Variants in SLC2A7 observed in about 807,000 individuals in gnomAD.
The protein encoded by SLC2A7 is solute carrier family 2, facilitated glucose transporter member 7.
A neutral mutation model predicts 50.5 loss-of-function variants in SLC2A7; 50 were observed. The ratio of observed to expected loss-of-function variants is 0.99; its 90% CI spans 0.79 to 1.25. SLC2A7 has a LOEUF of 1.25. Ranked by LOEUF, SLC2A7 falls within the 50% of genes most tolerant of loss-of-function variation. The pLI is 0.00. For missense variants in SLC2A7, 683 were observed against 679.1 expected (o/e 1.01, Z -0.06); for synonymous variants, 308 against 300.4 (o/e 1.03, Z -0.26).
intron 3 of SLC2A7, 86 bp downstream of exon 3, chr1:9,022,832 G>T: frequency 6.5e-7 from 1 of 1,530,618 alleles, no homozygotes; most frequent in Non-Finnish European, 8.9e-7. Context: ...AGGGTCACAC[G>T]TCTCCCCACC....
Position 9,008,170 on chromosome 1 carries a change from G to A in SLC2A7, c.1117-785C>T, listed in dbSNP as rs1339190327. Among the ~76,000 whole-genome samples, 3 of 152,020 alleles carry A rather than the reference G, an allele frequency of 2.0e-5. No homozygotes were observed. The highest frequency in any genetic ancestry group is 4.8e-5 in the African/African-American group (2 of 41,376). On this transcript the variant is annotated intron_variant, in intron 9 of 11. Transcript: ENST00000400906. The surrounding 1 kb of genome is among the most constrained non-coding windows in gnomAD (Gnocchi z 5.9). ...TCAACGGACTTCAGCCAAACTAACC[G>A]GGTGCCCCCAGATGAACTTCCCAGG...
downstream of SLC2A7, among the ~76,000 whole-genome samples, chr1:8,999,272 T>C (rs973981987): frequency 6.6e-6 from 1 of 152,170 alleles, no homozygotes; most frequent in Non-Finnish European, 1.5e-5. Flanking sequence ...GCTGTGATTA[T>C]AGGCATGAGC....
At chr1:9,021,750 C>T (rs763770775) in intron 3 of SLC2A7, among the ~76,000 whole-genome samples, 4 of 152,218 alleles carry the variant, frequency 2.6e-5, no homozygotes, top group Non-Finnish European at 5.9e-5. Flanking sequence ...TCCCACCCTT[C>T]TCTGGACTCC....
the SLC2A7 span, among the ~76,000 whole-genome samples, chr1:8,995,140 C>T: frequency 4.5e-3 from 687 of 151,016 alleles, 8 homozygotes; most frequent in African/African-American, 0.016. Flanking sequence ...GACAGTGTGG[C>T]TTACTAGCAT....
intron 9 of SLC2A7, 51 bp from the exon 10 acceptor site, chr1:9,007,436 G>C (rs114421894): frequency 1.2e-5 from 18 of 1,561,106 alleles, no homozygotes; most frequent in East Asian, 2.3e-5. Context: ...CCCCACGTGC[G>C]GGGGGGTCCA....
At chr1:8,993,399 C>T in the SLC2A7 span, among the ~76,000 whole-genome samples, 3 of 152,142 alleles carry the variant, frequency 2.0e-5, no homozygotes, top group East Asian at 5.8e-4. Context: ...GCTTGTCCTT[C>T]CCTGGCTTTA....
chr1:9,022,919 T>A lies in SLC2A7; in HGVS notation c.310A>T (p.Arg104Ter). ...GGGAGCAGTGCACCTTCTGTTTACC[T>A]GCCGCAGCTATCAACCAGCAGGCCC... ...LVGLLVDSCG[R>*]KGTLLINNIF... is the part of the protein sequence containing the mutation. Residue 104 changes from arginine to a stop codon, truncating the protein, a stop_gained and splice_region_variant, in exon 3 of 12, where the codon AGA becomes TGA. Coordinates refer to ENST00000400906, the MANE Select transcript of SLC2A7 (RefSeq NM_207420.3). LOFTEE classifies it high-confidence loss of function. 6.2e-7 allele frequency: 1 copy of A among 1,613,940 alleles called. No homozygotes were observed.
At chr1:9,018,190 G>GGAC (rs1640858174) in intron 5 of SLC2A7, 33 bp downstream of exon 5, 1 of 1,612,948 alleles carries the variant, frequency 6.2e-7, no homozygotes, top group South Asian at 1.1e-5. Context: ...ACGAGAGACT[G>GGAC]GACCTAGCGT....
rs1245963643 is a variant in SLC2A7, at chr1:9,007,300, A to G, written c.1192+10T>C. ...GATGGCCGGGGCGAGGGAGGCGTGC[A>G]GGTACTCACTGGGCCCAATGGAATG... On this transcript the variant is annotated intron_variant, in intron 10 of 11. Transcript: ENST00000400906. 6.2e-7 allele frequency: 1 copy of G among 1,614,162 alleles called. No homozygotes were observed. The highest frequency in any genetic ancestry group is 1.3e-5 in the African/African-American group (1 of 75,074).
chr1:9,018,586 T>C (rs1272591039), intron 4 of SLC2A7, among the ~76,000 whole-genome samples: 1 of 152,264 alleles, frequency 6.6e-6, no homozygotes, highest in Non-Finnish European at 1.5e-5. Flanking sequence ...CAGGATGTGA[T>C]GAGGAGACCT....
chr1:9,024,057 T>C (rs1198347974), intron 2 of SLC2A7, among the ~76,000 whole-genome samples: 1 of 151,988 alleles, frequency 6.6e-6, no homozygotes, highest in East Asian at 1.9e-4. Context: ...GGTTTCACCA[T>C]GTTGGCCAGG....
intron 9 of SLC2A7, among the ~76,000 whole-genome samples, chr1:9,009,730 T>C (rs1344504696): frequency 6.6e-6 from 1 of 152,374 alleles, no homozygotes; most frequent in South Asian, 2.1e-4. Context: ...AGTGCTAGGA[T>C]TGCAGGAGTG....
intron 10 of SLC2A7, among the ~76,000 whole-genome samples, chr1:9,006,929 C>A (rs751223175): frequency 2.5e-4 from 38 of 152,128 alleles, no homozygotes; most frequent in Admixed American, 1.4e-3. Context: ...GGCAGTTGAG[C>A]CTTGGGTGTG....
chr1:9,009,512 A>G (rs1344077395), intron 9 of SLC2A7, among the ~76,000 whole-genome samples: 1 of 152,202 alleles, frequency 6.6e-6, no homozygotes, highest in Non-Finnish European at 1.5e-5. Flanking sequence ...GCTGGAGTAC[A>G]ATGGTGCGAT....
At chr1:9,015,268 C>G in intron 5 of SLC2A7, 26 bp from the exon 6 acceptor site, 1 of 1,556,454 alleles carries the variant, frequency 6.4e-7, no homozygotes. Context: ...GACTCAGGAT[C>G]CCGGGGCCTG....
At chr1:9,004,411 A>C (rs529574504) in intron 11 of SLC2A7, among the ~76,000 whole-genome samples, 2 of 151,622 alleles carry the variant, frequency 1.3e-5, no homozygotes, top group Non-Finnish European at 2.9e-5. Flanking sequence ...CTGAGAGCGC[A>C]GAGTTTGTGG....
At position 9,024,930 on chromosome 1, in the gene SLC2A7, C is replaced by T. The variant is rs1446004665; in HGVS notation, c.150+46G>A. The T allele has an allele frequency of 1.9e-6, 3 of 1,602,270 alleles. No individual in the cohort carries two copies. The African/African-American group carries it at 4.0e-5, about 22-fold the overall frequency. On this transcript the variant is annotated intron_variant, in intron 2 of 11. Coordinates refer to ENST00000400906, the MANE Select transcript of SLC2A7 (RefSeq NM_207420.3). Reference sequence around the variant, plus strand: ...TGGCGGCTACCTTCCACCCACGACCCCGGTCAGCTGCTGCCCGGCCCACCT... The same window carrying T: ...TGGCGGCTACCTTCCACCCACGACCTCGGTCAGCTGCTGCCCGGCCCACCT...
intron 6 of SLC2A7, 117 bp from the exon 7 acceptor site, chr1:9,014,985 G>GC: frequency 6.7e-7 from 1 of 1,495,794 alleles, no homozygotes; most frequent in Non-Finnish European, 8.9e-7. Context: ...TGCCCCAGTT[G>GC]CCACCCCCCC....
downstream of SLC2A7, among the ~76,000 whole-genome samples, chr1:9,000,745 GGTGTGTGTGTGTGTGT>G (rs56985979): frequency 2.0e-3 from 285 of 142,190 alleles, 2 homozygotes; most frequent in African/African-American, 7.1e-3. Flanking sequence ...TGACTTTCCT[GGTGTGTGTGTGTGTGT>G]GTGTGTGTGT....
Sources: allele counts gnomAD v4.1 joint callset (sites outside exome capture counted in the v4.1 genomes callset), GRCh38; gene constraint gnomAD v4.1.1; non-coding constraint Gnocchi (gnomAD v3.1); transcripts MANE v1.5; gene names NCBI Gene and HGNC (gene_info 2026-07-23, HGNC 2026-07-21).